APP: variants seen among roughly 807,000 people sequenced by gnomAD.
APP encodes the protein amyloid beta precursor protein.
APP carries 31 observed loss-of-function variants against 101.4 expected under a neutral mutation model. That is an observed-to-expected ratio of 0.31 (90% CI 0.23 to 0.41). The LOEUF (loss-of-function observed/expected upper bound fraction) is 0.41, where lower values mean the gene tolerates loss of function less well. APP is among the 10% of genes least tolerant of loss of function. The pLI is 1.00. For synonymous variants in APP, 366 were observed against 364.4 expected (o/e 1.00, Z -0.05); for missense variants, 839 against 1,003.7 (o/e 0.84, Z 2.22).
At chr21:25,906,267 A>G (rs1048761353) in intron 14 of APP, among the ~76,000 whole-genome samples, 1 of 152,268 alleles carries the variant, frequency 6.6e-6, no homozygotes, top group Non-Finnish European at 1.5e-5. Context: ...TGAAATAAAA[A>G]TTTGGTCCTT....
intron 2 of APP, among the ~76,000 whole-genome samples, chr21:26,092,915 T>G (rs149567372): frequency 1.3e-5 from 2 of 151,810 alleles, no homozygotes; most frequent in African/African-American, 4.9e-5. Context: ...GGGGATAAAC[T>G]CAGTGGTAGA....
chr21:25,945,379 A>AATTTTTTT (rs1213400314), intron 13 of APP: 1 of 18,152 alleles, frequency 5.5e-5, no homozygotes, highest in Non-Finnish European at 1.7e-4. Flanking sequence ...TGCAATCCGC[A>AATTTTTTT]CTTTTTTTTT....
chr21:25,993,759 C>G (rs1048853661), intron 8 of APP, among the ~76,000 whole-genome samples: 1 of 152,168 alleles, frequency 6.6e-6, no homozygotes, highest in Non-Finnish European at 1.5e-5. Flanking sequence ...GATTCTCAAC[C>G]AGAATGTGAC....
At chr21:25,948,451 G>A (rs1750947400) in intron 13 of APP, among the ~76,000 whole-genome samples, 1 of 151,938 alleles carries the variant, frequency 6.6e-6, no homozygotes, top group Non-Finnish European at 1.5e-5. Flanking sequence ...TTTCATTATT[G>A]CGAATTTCTT....
At chr21:26,170,466 C>T in intron 1 of APP, 98 bp downstream of exon 1, 2 of 1,311,874 alleles carry the variant, frequency 1.5e-6, no homozygotes, top group Admixed American at 2.2e-5. Context: ...ATTGACGGAC[C>T]CCCGGCTTCT....
chr21:26,049,642 T>G (rs45441595), intron 5 of APP, among the ~76,000 whole-genome samples: 3,379 of 152,264 alleles, frequency 0.022, 119 homozygotes, highest in African/African-American at 0.078. Flanking sequence ...AAGAAATTAA[T>G]TTTTCCTAGC....
chr21:25,948,227 A>G (rs182525), intron 13 of APP, among the ~76,000 whole-genome samples: 54,600 of 150,834 alleles, frequency 0.36, 12,515 homozygotes, highest in African/African-American at 0.65. Context: ...ATTCTCAATA[A>G]CATTAAATTT....
intron 13 of APP, 114 bp downstream of exon 13, chr21:25,954,476 A>T: frequency 8.1e-5 from 74 of 914,680 alleles, no homozygotes; most frequent in Non-Finnish European, 1.2e-4. Flanking sequence ...TCATCGTAAA[A>T]GGCAAGCTGT....
chr21:26,000,802 A>G (rs1216931316), intron 6 of APP, among the ~76,000 whole-genome samples: 2 of 151,920 alleles, frequency 1.3e-5, no homozygotes, highest in African/African-American at 4.8e-5. Flanking sequence ...ACTAATATAA[A>G]TGGTCTTAAA....
chr21:26,170,436 G>A (rs937858778), intron 1 of APP, 128 bp downstream of exon 1: 5 of 989,206 alleles, frequency 5.1e-6, no homozygotes, highest in African/African-American at 3.4e-5. Context: ...GCAAGCGGGG[G>A]CGGAGAGGAG....
chr21:25,945,977 T>A (rs1402388805), intron 13 of APP: 2 of 450,340 alleles, frequency 4.4e-6, no homozygotes, highest in South Asian at 1.6e-5. Flanking sequence ...CCACTGCACC[T>A]GGCAAGAATA....
At chr21:26,046,067 A>T (rs1166484726) in intron 5 of APP, among the ~76,000 whole-genome samples, 1 of 152,264 alleles carries the variant, frequency 6.6e-6, no homozygotes. Flanking sequence ...TTCACTTCAC[A>T]GGAACAGCAT....
At chr21:26,066,061 T>C (rs1208620560) in intron 3 of APP, among the ~76,000 whole-genome samples, 1 of 152,172 alleles carries the variant, frequency 6.6e-6, no homozygotes, top group Non-Finnish European at 1.5e-5. Context: ...AGGTGGCTCA[T>C]GGATCACACT....
chr21:26,164,968 T>G (rs2063575931), intron 1 of APP, among the ~76,000 whole-genome samples: 1 of 152,192 alleles, frequency 6.6e-6, no homozygotes. Flanking sequence ...ATTTCTGTAC[T>G]GTTTTAAATT....
chr21:26,043,352 T>C lies in APP; in HGVS notation c.662+7648A>G, dbSNP rs573737516. Among the ~76,000 whole-genome samples, 3 of 152,160 alleles carry C rather than the reference T, an allele frequency of 2.0e-5. No homozygotes were observed. The East Asian group carries it at 5.8e-4, about 29-fold the overall frequency. ...CTGGGTTCAAGCGATTCTCTGGCAG[T>C]CTCCCCAGTAGCTGGGATTACAGGC... On this transcript the variant is annotated intron_variant, in intron 5 of 17. Transcript: ENST00000346798.
chr21:26,131,968 A>ATAT (rs2062806626), intron 1 of APP, among the ~76,000 whole-genome samples: 1 of 152,118 alleles, frequency 6.6e-6, no homozygotes, highest in Admixed American at 6.5e-5. Context: ...TAAACTTACC[A>ATAT]TATTAAACAA....
chr21:26,100,003 C>G lies in APP; in HGVS notation c.226-9931G>C, dbSNP rs546058807. 5.9e-5 allele frequency among the ~76,000 whole-genome samples: 9 copies of G among 152,250 alleles called. No homozygotes were observed. In the South Asian group the frequency reaches 1.9e-3, roughly 32 times the overall value. ...GAGTTGGAAAATCCTGTCAAAGAACCTTGTTTGATAGATAAGCTATTCTAA... is the reference window on the plus strand; with the variant it reads ...GAGTTGGAAAATCCTGTCAAAGAACGTTGTTTGATAGATAAGCTATTCTAA... On this transcript the variant is annotated intron_variant, in intron 2 of 17. Coordinates refer to ENST00000346798, the MANE Select transcript of APP (RefSeq NM_000484.4).
rs561538450 is a variant in APP, at chr21:26,136,606, T to C, written c.58-24460A>G. Among the ~76,000 whole-genome samples the C allele has an allele frequency of 3.9e-5, 6 of 152,330 alleles. No homozygotes were observed. The South Asian group carries it at 1.0e-3, about 26-fold the overall frequency. On this transcript the variant is annotated intron_variant, in intron 1 of 17. Coordinates refer to ENST00000346798, the MANE Select transcript of APP (RefSeq NM_000484.4). The stretch of plus-strand genomic sequence containing the variant: ...AAATATGGATTTTTAAGGAGCAGTG[T>C]ATTTACCTTAGTCCACCTCATCTTT...
chr21:25,933,287 G>C (rs894035187), intron 13 of APP, among the ~76,000 whole-genome samples: 7 of 152,126 alleles, frequency 4.6e-5, no homozygotes, highest in African/African-American at 1.7e-4. Context: ...TTGTTTTGTA[G>C]AGATGGGGTC....
Sources: gnomAD v4.1 joint callset for allele counts (sites outside exome capture counted in the v4.1 genomes callset) on GRCh38, gnomAD v4.1.1 for gene constraint, MANE v1.5 for transcripts, NCBI Gene and HGNC (gene_info 2026-07-23, HGNC 2026-07-21) for gene names.